The following EVI5 variants were observed in gnomAD, a reference collection of about 807,000 sequenced individuals.
EVI5 encodes the protein ecotropic viral integration site 5.
Under a neutral mutation model 112.0 loss-of-function variants are expected in EVI5, and 73 were observed. That is an observed-to-expected ratio of 0.65 (90% CI 0.54 to 0.79). The LOEUF (loss-of-function observed/expected upper bound fraction) is 0.79. EVI5 is among the 30% of genes least tolerant of loss of function. The pLI, the probability that EVI5 is intolerant of heterozygous loss-of-function variation, is 0.00. For missense variants in EVI5, 900 were observed against 968.8 expected (o/e 0.93, Z 0.94); for synonymous variants, 305 against 319.9 (o/e 0.95, Z 0.50).
At chr1:92,514,330 AT>A (rs1218202185) in intron 19 of EVI5, among the ~76,000 whole-genome samples, 1 of 151,344 alleles carries the variant, frequency 6.6e-6, no homozygotes, top group Non-Finnish European at 1.5e-5. Context: ...ATTTTTTTGT[AT>A]TTTTTGTAGA....
chr1:92,670,449 T>C (rs889809802), intron 10 of EVI5, among the ~76,000 whole-genome samples: 2 of 152,202 alleles, frequency 1.3e-5, no homozygotes, highest in Non-Finnish European at 1.5e-5. Context: ...CAAAGTTTAA[T>C]TTGCAATCAT....
chr1:92,770,008 T>C (rs764503030), intron 1 of EVI5, among the ~76,000 whole-genome samples: 1 of 152,056 alleles, frequency 6.6e-6, no homozygotes, highest in Non-Finnish European at 1.5e-5. Context: ...AGAAAAAAAT[T>C]TGAAGATGCT....
intron 13 of EVI5, among the ~76,000 whole-genome samples, chr1:92,648,894 G>C (rs1472886036): frequency 6.6e-6 from 1 of 152,146 alleles, no homozygotes; most frequent in Non-Finnish European, 1.5e-5. Context: ...CCTCTGAGTT[G>C]AATAGCAGGG....
In EVI5 at chr1:92,563,131, G is replaced by A. The variant is rs965406953; in HGVS notation, c.2166+511C>T. Reference sequence around the variant, plus strand: ...AAAATTTTGTGAGTTGAATCTCACAGATTCAAGGTAGTACCAGTTTAAAAA... The same window carrying A: ...AAAATTTTGTGAGTTGAATCTCACAAATTCAAGGTAGTACCAGTTTAAAAA... On this transcript the variant is annotated intron_variant, in intron 19 of 19. Coordinates refer to ENST00000684568, the MANE Select transcript of EVI5 (RefSeq NM_001350197.2). Among the ~76,000 whole-genome samples, 4 of 152,126 alleles carry A rather than the reference G, an allele frequency of 2.6e-5. No individual in the cohort carries two copies. The East Asian group carries it at 7.7e-4, about 29-fold the overall frequency.
chr1:92,712,217 T>C (rs913783545), intron 2 of EVI5, among the ~76,000 whole-genome samples: 47 of 152,118 alleles, frequency 3.1e-4, no homozygotes, highest in South Asian at 4.1e-4. Context: ...CTCAGAGCAA[T>C]AGAAATACTG....
chr1:92,752,745 T>C (rs1680378543), intron 1 of EVI5, among the ~76,000 whole-genome samples: 1 of 152,104 alleles, frequency 6.6e-6, no homozygotes, highest in Non-Finnish European at 1.5e-5. Context: ...GCCAGTCAGC[T>C]CACAATAAAG....
At chr1:92,744,291 G>C (rs142668606) in intron 1 of EVI5, among the ~76,000 whole-genome samples, 117 of 152,214 alleles carry the variant, frequency 7.7e-4, no homozygotes, top group African/African-American at 2.7e-3. Flanking sequence ...TGCTGTTGTT[G>C]GATGAAGCAG....
chr1:92,719,647 T>C (rs1214432657), intron 2 of EVI5, among the ~76,000 whole-genome samples: 1 of 152,044 alleles, frequency 6.6e-6, no homozygotes, highest in Non-Finnish European at 1.5e-5. Flanking sequence ...AAGACAGGGA[T>C]GCCCTCTCTC....
chr1:92,580,148 T>C (rs1185704581), intron 18 of EVI5, among the ~76,000 whole-genome samples: 1 of 152,188 alleles, frequency 6.6e-6, no homozygotes, highest in African/African-American at 2.4e-5. Flanking sequence ...AGAATGGCAT[T>C]TAAAATTAAT....
In EVI5 at chr1:92,538,176, C is replaced by T. The variant is rs542950542; in HGVS notation, c.2167-24206G>A. On this transcript the variant is annotated intron_variant, in intron 19 of 19. Transcript: ENST00000684568. ...TGAAACTGCCACTGAATGTCTTCTT[C>T]CTGGCAGCTGACACATCTTGATAAA... Among the ~76,000 whole-genome samples, 3 of 152,254 alleles carry T rather than the reference C, an allele frequency of 2.0e-5. No homozygotes were observed. In the South Asian group the frequency reaches 6.2e-4, roughly 32 times the overall value.
At chr1:92,773,029 G>A (rs1683638352) in intron 1 of EVI5, among the ~76,000 whole-genome samples, 3 of 150,602 alleles carry the variant, frequency 2.0e-5, no homozygotes, top group South Asian at 4.2e-4. Flanking sequence ...CCAACATGGA[G>A]AAACCCCATC....
intron 14 of EVI5, among the ~76,000 whole-genome samples, chr1:92,629,374 G>A (rs1656382253): frequency 1.3e-5 from 2 of 152,042 alleles, no homozygotes; most frequent in South Asian, 4.2e-4. Flanking sequence ...TTACCTAAGA[G>A]TAAAAAGGAA....
intron 9 of EVI5, among the ~76,000 whole-genome samples, chr1:92,682,479 C>T (rs558645781): frequency 2.6e-5 from 4 of 152,212 alleles, no homozygotes; most frequent in East Asian, 1.9e-4. Context: ...CAACAGTCTT[C>T]GGCCAGGCAT....
At chr1:92,632,547 G>A (rs1264550707) in intron 14 of EVI5, among the ~76,000 whole-genome samples, 13 of 151,906 alleles carry the variant, frequency 8.6e-5, no homozygotes, top group South Asian at 6.2e-4. Flanking sequence ...TTTTTATTGC[G>A]TCTATTTGAT....
chr1:92,712,146 T>C (rs1196036530), intron 2 of EVI5, among the ~76,000 whole-genome samples: 1 of 152,154 alleles, frequency 6.6e-6, no homozygotes, highest in Non-Finnish European at 1.5e-5. Context: ...CAAAACTACA[T>C]GCCTAACCCA....
chr1:92,685,137 T>C (rs1055795726), intron 9 of EVI5, among the ~76,000 whole-genome samples: 34 of 151,890 alleles, frequency 2.2e-4, no homozygotes, highest in African/African-American at 7.0e-4. Context: ...TATTCCAAAA[T>C]TGACCACATA....
At chr1:92,553,297 A>AT (rs147973775) in intron 19 of EVI5, among the ~76,000 whole-genome samples, 56,784 of 74,296 alleles carry the variant, frequency 0.76, 22,536 homozygotes, top group South Asian at 0.92. Flanking sequence ...CACCTGGCCA[A>AT]TTTTTTTTTT....
chr1:92,645,998 C>T (rs547789007), intron 13 of EVI5, among the ~76,000 whole-genome samples: 104 of 152,320 alleles, frequency 6.8e-4, no homozygotes, highest in Admixed American at 3.7e-3. Context: ...CAGGCTCCCC[C>T]TGCAAACCAG....
intron 16 of EVI5, among the ~76,000 whole-genome samples, chr1:92,623,235 T>A (rs932956641): frequency 6.6e-6 from 1 of 152,286 alleles, no homozygotes; most frequent in Admixed American, 6.5e-5. Flanking sequence ...GTATTTTATA[T>A]AGAATAATAC....
Sources: allele counts gnomAD v4.1 joint callset (sites outside exome capture counted in the v4.1 genomes callset), GRCh38; gene constraint gnomAD v4.1.1; transcripts MANE v1.5; gene names NCBI Gene and HGNC (gene_info 2026-07-23, HGNC 2026-07-21).